Variants in NEMP2 observed in about 807,000 individuals in gnomAD.
The protein encoded by NEMP2 is UPF0571 transmembrane protein.
NEMP2 carries 53 observed loss-of-function variants against 54.2 expected under a neutral mutation model. The ratio of observed to expected loss-of-function variants is 0.98; its 90% confidence interval spans 0.78 to 1.23. The LOEUF is 1.23. NEMP2 is among the 50% of genes most tolerant of loss of function. The probability of loss-of-function intolerance (pLI) is 0.00; values close to 1 mark genes in which losing one functional copy is unlikely to be tolerated. For synonymous variants in NEMP2, 197 were observed against 190.3 expected (o/e 1.04, Z -0.29); for missense variants, 455 against 511.3 (o/e 0.89, Z 1.06).
At chr2:190,494,657 A>C in the NEMP2 span, among the ~76,000 whole-genome samples, 2 of 152,362 alleles carry the variant, frequency 1.3e-5, no homozygotes, top group East Asian at 3.9e-4. The surrounding 1 kb of genome is among the most constrained non-coding windows in gnomAD (Gnocchi z 5.7). Context: ...CACCATGATC[A>C]ACTGGGTTTC....
the NEMP2 span, among the ~76,000 whole-genome samples, chr2:190,471,027 T>G: frequency 6.6e-6 from 1 of 152,206 alleles, no homozygotes; most frequent in Non-Finnish European, 1.5e-5. The surrounding 1 kb of genome is among the most constrained non-coding windows in gnomAD (Gnocchi z 4.7). Context: ...AAGAAATTAT[T>G]GTTTCTAATA....
At chr2:190,464,355 G>A in the NEMP2 span, among the ~76,000 whole-genome samples, 1 of 152,150 alleles carries the variant, frequency 6.6e-6, no homozygotes, top group Non-Finnish European at 1.5e-5. Context: ...GTGAATAGGG[G>A]TTCTCTGGTG....
At chr2:190,587,344 G>T in the NEMP2 span, among the ~76,000 whole-genome samples, 1 of 152,140 alleles carries the variant, frequency 6.6e-6, no homozygotes, top group Non-Finnish European at 1.5e-5. This position sits in a 1 kb window ranked among gnomAD's most constrained non-coding sequence, Gnocchi z 5.4. Context: ...TGCTGCAAGG[G>T]ATGATGTCAC....
rs1478185446 is a variant in NEMP2 at position 190,509,313 on chromosome 2, C to T, written c.1131-1G>A. The T allele has an allele frequency of 6.4e-7, 1 of 1,551,456 alleles. No individual in the cohort carries two copies. The highest frequency in any genetic ancestry group is 8.7e-7 in the Non-Finnish European group (1 of 1,146,954). On this transcript the variant is annotated splice_acceptor_variant, in intron 8 of 8. Transcript: ENST00000409150. LOFTEE classifies it high-confidence loss of function. This position sits in a 1 kb window ranked among gnomAD's most constrained non-coding sequence, Gnocchi z 6.1. Reference sequence around the variant, plus strand: ...TCCTCCAAGAACAAAGTCTGCAAATCTAACAAGTTTTTTGTTTTAAATAAA... The same window carrying T: ...TCCTCCAAGAACAAAGTCTGCAAATTTAACAAGTTTTTTGTTTTAAATAAA...
At chr2:190,460,447 C>G in the NEMP2 span, among the ~76,000 whole-genome samples, 4 of 152,258 alleles carry the variant, frequency 2.6e-5, no homozygotes, top group Non-Finnish European at 5.9e-5. Context: ...GTGTATATCC[C>G]TAGCACTTAG....
chr2:190,634,276 C>T, the NEMP2 span, among the ~76,000 whole-genome samples: 1 of 152,134 alleles, frequency 6.6e-6, no homozygotes, highest in African/African-American at 2.4e-5. The surrounding 1 kb of genome is among the most constrained non-coding windows in gnomAD (Gnocchi z 6.8). Flanking sequence ...CCTTAATGCA[C>T]CCCTTTATGC....
chr2:190,429,752 T>G, the NEMP2 span, among the ~76,000 whole-genome samples: 3 of 152,228 alleles, frequency 2.0e-5, no homozygotes, highest in East Asian at 5.8e-4. Context: ...AAAGCTATGT[T>G]ATTTAATCTT....
the NEMP2 span, among the ~76,000 whole-genome samples, chr2:190,560,210 T>C: frequency 1.3e-5 from 2 of 152,150 alleles, no homozygotes. This position sits in a 1 kb window ranked among gnomAD's most constrained non-coding sequence, Gnocchi z 5.4. Context: ...AGCCCGTGGG[T>C]GGGAGTCAAG....
In NEMP2 at chr2:190,528,585, C is replaced by T. The variant is rs1489458497; in HGVS notation, c.98-3207G>A. On this transcript the variant is annotated intron_variant, in intron 1 of 8. Coordinates refer to ENST00000409150, the MANE Select transcript of NEMP2 (RefSeq NM_001142645.2). The surrounding 1 kb of genome is among the most constrained non-coding windows in gnomAD (Gnocchi z 4.3). ...CTTCCAGACAGGTCTTTCTTCACCA[C>T]CCATGTGCTCAATGCTAGATGGGCT... Among the ~76,000 whole-genome samples, 3 of 152,290 alleles carry T rather than the reference C, an allele frequency of 2.0e-5. No individual in the cohort carries two copies. Among genetic ancestry groups the T allele is most frequent in the Admixed American group, 6.5e-5 (1 of 15,304 alleles).
At chr2:190,577,478 A>C in the NEMP2 span, among the ~76,000 whole-genome samples, 1 of 152,168 alleles carries the variant, frequency 6.6e-6, no homozygotes, top group South Asian at 2.1e-4. The surrounding 1 kb of genome is among the most constrained non-coding windows in gnomAD (Gnocchi z 4.8). Flanking sequence ...AAGGACCCTC[A>C]TTTTTCTTAA....
chr2:190,474,057 G>T, the NEMP2 span, among the ~76,000 whole-genome samples: 1 of 152,060 alleles, frequency 6.6e-6, no homozygotes, highest in African/African-American at 2.4e-5. Context: ...CTGGGACACA[G>T]TCAAAGCAGT....
chr2:190,559,370 G>C, the NEMP2 span, among the ~76,000 whole-genome samples: 1 of 152,204 alleles, frequency 6.6e-6, no homozygotes, highest in African/African-American at 2.4e-5. This position sits in a 1 kb window ranked among gnomAD's most constrained non-coding sequence, Gnocchi z 4.0. Flanking sequence ...GTGAGTGGGA[G>C]AGAAAGATGA....
At chr2:190,637,640 T>G in the NEMP2 span, among the ~76,000 whole-genome samples, 1 of 152,208 alleles carries the variant, frequency 6.6e-6, no homozygotes, top group Admixed American at 6.5e-5. This position sits in a 1 kb window ranked among gnomAD's most constrained non-coding sequence, Gnocchi z 4.5. Flanking sequence ...ATTTCATCCT[T>G]CCAGACCTGT....
At chr2:190,638,363 A>C in the NEMP2 span, among the ~76,000 whole-genome samples, 1 of 151,970 alleles carries the variant, frequency 6.6e-6, no homozygotes, top group Non-Finnish European at 1.5e-5. The surrounding 1 kb of genome is among the most constrained non-coding windows in gnomAD (Gnocchi z 5.7). Flanking sequence ...ACTCCTATCC[A>C]TCCACAGTAT....
chr2:190,516,418 T>G, intron 5 of NEMP2, 34 bp from the exon 6 acceptor site: 1 of 1,482,824 alleles, frequency 6.7e-7, no homozygotes, highest in Non-Finnish European at 9.1e-7. Flanking sequence ...ACACATTTTT[T>G]GGTTCATTCA....
At chr2:190,461,790 G>A in the NEMP2 span, among the ~76,000 whole-genome samples, 2 of 151,766 alleles carry the variant, frequency 1.3e-5, no homozygotes, top group Admixed American at 1.3e-4. This position sits in a 1 kb window ranked among gnomAD's most constrained non-coding sequence, Gnocchi z 5.5. Context: ...AATTTTGGAG[G>A]GTATACAGAC....
chr2:190,584,377 G>A, the NEMP2 span, among the ~76,000 whole-genome samples: 1 of 152,114 alleles, frequency 6.6e-6, no homozygotes, highest in Non-Finnish European at 1.5e-5. The surrounding 1 kb of genome is among the most constrained non-coding windows in gnomAD (Gnocchi z 4.2). Flanking sequence ...CCAGGTCATG[G>A]TCAAATAGTG....
At chr2:190,566,943 A>G in the NEMP2 span, among the ~76,000 whole-genome samples, 1 of 152,146 alleles carries the variant, frequency 6.6e-6, no homozygotes, top group East Asian at 1.9e-4. Flanking sequence ...CTATTCTTAA[A>G]TATAAGTCGG....
At chr2:190,576,033 A>G in the NEMP2 span, among the ~76,000 whole-genome samples, 1 of 151,764 alleles carries the variant, frequency 6.6e-6, no homozygotes, top group Non-Finnish European at 1.5e-5. Flanking sequence ...GGAATGCACA[A>G]TCGTGGTTTA....
Sources: allele counts gnomAD v4.1 joint callset (sites outside exome capture counted in the v4.1 genomes callset), GRCh38; gene constraint gnomAD v4.1.1; non-coding constraint Gnocchi (gnomAD v3.1); transcripts MANE v1.5; gene names NCBI Gene and HGNC (gene_info 2026-07-23, HGNC 2026-07-21).